Variants in TES observed in about 807,000 individuals in gnomAD.
The protein encoded by TES is testin.
TES carries 41 observed loss-of-function variants against 48.2 expected under a neutral mutation model. That is an observed-to-expected ratio of 0.85 (90% CI 0.66 to 1.10). TES has a LOEUF of 1.10. Among genes scored for constraint, TES ranks in the 50% least tolerant of loss-of-function variants. The pLI is 0.00. For synonymous variants in TES, 162 were observed against 174.9 expected (o/e 0.93, Z 0.58); for missense variants, 463 against 515.1 (o/e 0.90, Z 0.98).
intron 1 of TES, among the ~76,000 whole-genome samples, chr7:116,229,500 G>A (rs953529662): frequency 1.3e-5 from 2 of 152,138 alleles, no homozygotes; most frequent in African/African-American, 4.8e-5. Context: ...AGTAGATGGG[G>A]TTCCAAATCC....
rs1799425962 is a variant in TES at position 116,210,751 on chromosome 7, GGCGGGCGGCGGCTGCTTCACCTGC to G, written c.27+23_27+46del. On this transcript the variant is annotated intron_variant, in intron 1 of 6. Coordinates refer to ENST00000358204, the MANE Select transcript of TES (RefSeq NM_015641.4). ...GTGAAGAAGGTAGGGGGGCGCTCGT[GGCGGGCGGCGGCTGCTTCACCTGC>G]GCGGGTCGCGCGGCGCGCGGCGGCC... 8.1e-7 allele frequency: 1 copy of G among 1,239,804 alleles called. No individual in the cohort carries two copies. The highest frequency in any genetic ancestry group is 4.3e-5 in the Admixed American group (1 of 23,280). 76.8% of individuals were successfully genotyped at this position (1,239,804 alleles called of 1,614,324 possible).
intron 3 of TES, chr7:116,249,592 G>T (rs1309755666): frequency 1.7e-5 from 4 of 232,674 alleles, no homozygotes; most frequent in Non-Finnish European, 2.5e-5. Context: ...TCTTAAGATG[G>T]TAAAGAAGAG....
At chr7:116,228,998 CTATA>C (rs58514364) in intron 1 of TES, among the ~76,000 whole-genome samples, 13,776 of 109,646 alleles carry the variant, frequency 0.13, 969 homozygotes, top group Middle Eastern at 0.16. Flanking sequence ...GTATCTATAA[CTATA>C]TATATATATA....
chr7:116,219,935 G>A (rs774696839), intron 1 of TES, among the ~76,000 whole-genome samples: 3 of 152,030 alleles, frequency 2.0e-5, no homozygotes, highest in Non-Finnish European at 4.4e-5. Context: ...GATATTTAGG[G>A]TTTCCTTTTT....
At chr7:116,220,792 C>T (rs1325816156) in intron 1 of TES, among the ~76,000 whole-genome samples, 1 of 152,122 alleles carries the variant, frequency 6.6e-6, no homozygotes, top group Non-Finnish European at 1.5e-5. Context: ...AGCTACTTAG[C>T]CCTGTAAACC....
chr7:116,244,126 A>T (rs191496626), intron 2 of TES, among the ~76,000 whole-genome samples: 2 of 152,128 alleles, frequency 1.3e-5, no homozygotes, highest in Non-Finnish European at 2.9e-5. Flanking sequence ...CAGCCAAACC[A>T]TATCATTCTG....
In TES at chr7:116,219,662, A is replaced by G. The variant is rs559520602; in HGVS notation, c.27+8928A>G. 2.0e-5 allele frequency among the ~76,000 whole-genome samples: 3 copies of G among 152,250 alleles called. No homozygotes were observed. In the South Asian group the frequency reaches 6.2e-4, roughly 32 times the overall value. ...AGGAGAGAAGTCCAGTCTAGCAACT[A>G]TGAGGCTAGGGCAGGGATATGATGT... On this transcript the variant is annotated intron_variant, in intron 1 of 6. Coordinates refer to ENST00000358204, the MANE Select transcript of TES (RefSeq NM_015641.4).
intron 2 of TES, among the ~76,000 whole-genome samples, chr7:116,240,248 G>A (rs1380153534): frequency 6.6e-6 from 1 of 152,090 alleles, no homozygotes; most frequent in Non-Finnish European, 1.5e-5. Flanking sequence ...TGTGAATGCT[G>A]GCAGCATGTC....
chr7:116,250,428 G>T lies in TES; in HGVS notation c.634G>T (p.Asp212Tyr). The change falls in exon 4 of 7, where the codon GAT becomes TAT. Residue 212 changes from aspartate (D) to tyrosine (Y), a missense_variant. Transcript: ENST00000358204. ...CAAACAAATGAACATTCCTGGAGGG[G>T]ATAGAAGCACCCCAGCAGCAGTGGG... ...GPKQMNIPGGDRSTPAAVGAM... is the reference protein window; with the variant it reads ...GPKQMNIPGGYRSTPAAVGAM... 6.2e-7 allele frequency: 1 copy of T among 1,607,390 alleles called. No individual in the cohort carries two copies. The highest frequency in any genetic ancestry group is 8.5e-7 in the Non-Finnish European group (1 of 1,177,110).
At chr7:116,223,973 C>G (rs1040851042) in intron 1 of TES, among the ~76,000 whole-genome samples, 1 of 152,228 alleles carries the variant, frequency 6.6e-6, no homozygotes, top group Non-Finnish European at 1.5e-5. Flanking sequence ...TGAATGCAGG[C>G]TAGCCTGATC....
rs1315122710 is a variant in TES at position 116,222,881 on chromosome 7, A to T, written c.28-11653A>T. Reference sequence around the variant, plus strand: ...TTTCAGCGGAGCCAGAGCTCAGCCAATCCTAATTAAGAAGCAATTTCAGCT... The same window carrying T: ...TTTCAGCGGAGCCAGAGCTCAGCCATTCCTAATTAAGAAGCAATTTCAGCT... On this transcript the variant is annotated intron_variant, in intron 1 of 6. Transcript: ENST00000358204. The T allele has an allele frequency of 5.4e-5, 40 of 736,138 alleles. 1 individual carries two copies. Among genetic ancestry groups the T allele is most frequent in the Non-Finnish European group, 6.0e-5 (36 of 602,614 alleles). The allele number at this position is 736,138 out of a possible 1,614,324, so 45.6% of individuals were successfully genotyped here.
intron 1 of TES, among the ~76,000 whole-genome samples, chr7:116,224,298 AC>A (rs1307849527): frequency 1.3e-5 from 2 of 152,196 alleles, no homozygotes; most frequent in Non-Finnish European, 2.9e-5. Flanking sequence ...GTATTTTCAA[AC>A]CCTAAGTTTT....
intron 2 of TES, among the ~76,000 whole-genome samples, chr7:116,247,568 T>G (rs1326735674): frequency 6.6e-6 from 1 of 152,130 alleles, no homozygotes; most frequent in Non-Finnish European, 1.5e-5. Flanking sequence ...CACCACTTCT[T>G]TCAGTGAATT....
chr7:116,244,873 C>T (rs547475624), intron 2 of TES, among the ~76,000 whole-genome samples: 127 of 152,330 alleles, frequency 8.3e-4, no homozygotes, highest in Non-Finnish European at 1.4e-3. Context: ...GGACCAACAC[C>T]GTATGGAAGC....
At chr7:116,242,537 CTG>C (rs1210247900) in intron 2 of TES, among the ~76,000 whole-genome samples, 73 of 57,464 alleles carry the variant, frequency 1.3e-3, no homozygotes, top group African/African-American at 5.6e-3. Context: ...CTCTCTCTCT[CTG>C]TCTCTGTCTC....
intron 1 of TES, among the ~76,000 whole-genome samples, chr7:116,229,033 T>TATATATATATATA (rs1417517023): frequency 4.3e-5 from 5 of 115,488 alleles, no homozygotes; most frequent in African/African-American, 1.7e-4. Context: ...TATATATATA[T>TATATATATATATA]AATCATTTCC....
At chr7:116,228,998 CTATATATATATATATATATATATA>C (rs58514364) in intron 1 of TES, among the ~76,000 whole-genome samples, 3 of 110,148 alleles carry the variant, frequency 2.7e-5, no homozygotes, top group East Asian at 3.6e-4. Context: ...GTATCTATAA[CTATATATATATATATATATATATA>C]TATATATATA....
chr7:116,243,172 ATTAT>A (rs1799871750), intron 2 of TES, among the ~76,000 whole-genome samples: 1 of 152,058 alleles, frequency 6.6e-6, no homozygotes, highest in Non-Finnish European at 1.5e-5. Context: ...TAAACTATAA[ATTAT>A]TTAGTTATCT....
chr7:116,229,126 C>T (rs1799664898), intron 1 of TES, among the ~76,000 whole-genome samples: 1 of 151,202 alleles, frequency 6.6e-6, no homozygotes, highest in South Asian at 2.1e-4. Context: ...GTCTAGATTT[C>T]ACTTTCTAAA....
Sources: allele counts gnomAD v4.1 joint callset (sites outside exome capture counted in the v4.1 genomes callset), GRCh38; gene constraint gnomAD v4.1.1; transcripts MANE v1.5; gene names NCBI Gene and HGNC (gene_info 2026-07-23, HGNC 2026-07-21).